Variants in NCAPD3 observed in about 807,000 individuals in gnomAD.
NCAPD3 encodes non-SMC condensin II complex subunit D3.
Under a neutral mutation model 182.9 loss-of-function variants are expected in NCAPD3, and 105 were observed. The ratio of observed to expected loss-of-function variants is 0.57; its 90% CI spans 0.49 to 0.68. The LOEUF (loss-of-function observed/expected upper bound fraction) is 0.68, where lower values mean the gene tolerates loss of function less well. NCAPD3 is among the 30% of genes least tolerant of loss of function. The pLI is 0.00. For missense variants in NCAPD3, 1,944 were observed against 1,837.0 expected (o/e 1.06, Z -1.07); for synonymous variants, 815 against 679.9 (o/e 1.20, Z -3.09).
intron 8 of NCAPD3, among the ~76,000 whole-genome samples, chr11:134,205,866 A>G (rs1458683492): frequency 2.6e-5 from 4 of 152,232 alleles, no homozygotes; most frequent in Non-Finnish European, 4.4e-5. Context: ...ACATTTGCTC[A>G]GTCACAAGAT....
intron 4 of NCAPD3, 59 bp from the exon 5 acceptor site, chr11:134,209,536 G>GT: frequency 6.6e-7 from 1 of 1,512,352 alleles, no homozygotes. Context: ...TTGTCCCATG[G>GT]TTTTCAATTT....
chr11:134,218,364 T>C (rs147161318), intron 2 of NCAPD3, among the ~76,000 whole-genome samples: 1 of 152,294 alleles, frequency 6.6e-6, no homozygotes, highest in Non-Finnish European at 1.5e-5. Context: ...TCCATTTCTG[T>C]CCTGGCTGCT....
rs547494433 is a variant in NCAPD3, at chr11:134,157,227, G to A, written c.4175-132C>T. ...AGTGTTTACAATTTTCTTATAAAGA[G>A]GCAATTCAGGAAGAAATACAAATAA... On this transcript the variant is annotated intron_variant, in intron 31 of 34. Transcript: ENST00000534548. 4.6e-4 allele frequency: 270 copies of A among 591,928 alleles called. 2 individuals are homozygous for A. The highest frequency in any genetic ancestry group is 4.5e-3 in the African/African-American group (238 of 53,068). 36.7% of individuals were successfully genotyped at this position (591,928 alleles called of 1,614,324 possible).
At chr11:134,205,145 A>C (rs920485625) in intron 8 of NCAPD3, among the ~76,000 whole-genome samples, 174 bp from the exon 9 acceptor site, 2 of 152,250 alleles carry the variant, frequency 1.3e-5, no homozygotes, top group African/African-American at 4.8e-5. Context: ...GAAAACTGTG[A>C]AGTAGTTCCC....
In NCAPD3 at chr11:134,151,691, TACTA is replaced by T. The variant is rs1186138079; in HGVS notation, c.*1249_*1252del. Reference sequence around the variant, plus strand: ...GCTGTACACAGATGCTACAGACTTGTACTAACACACCGTAATTTGGCATTTGTTT... The same window carrying T: ...GCTGTACACAGATGCTACAGACTTGTACACACCGTAATTTGGCATTTGTTT... On this transcript the variant is annotated 3_prime_UTR_variant, in exon 35 of 35. Transcript: ENST00000534548. 1.3e-5 allele frequency: 2 copies of T among 152,252 alleles called. No individual in the cohort carries two copies. The highest frequency in any genetic ancestry group is 4.8e-5 in the African/African-American group (2 of 41,466). 9.4% of individuals were successfully genotyped at this position (152,252 alleles called of 1,614,324 possible).
In NCAPD3 at chr11:134,152,128, A is replaced by G. The variant is rs1943257682; in HGVS notation, c.*816T>C. ...GCATTCAGTTTACCCACTAGTGCTA[A>G]CAGAAGAGACTCAAGCTGTTCCCCC... On this transcript the variant is annotated 3_prime_UTR_variant, in exon 35 of 35. Transcript: ENST00000534548. 1 of 152,274 alleles carries G rather than the reference A, an allele frequency of 6.6e-6. No individual in the cohort carries two copies. The highest frequency in any genetic ancestry group is 2.4e-5 in the African/African-American group (1 of 41,476). 9.4% of individuals were successfully genotyped at this position (152,274 alleles called of 1,614,324 possible).
At chr11:134,169,436 G>A (rs964511166) in intron 24 of NCAPD3, among the ~76,000 whole-genome samples, 1 of 152,208 alleles carries the variant, frequency 6.6e-6, no homozygotes, top group Non-Finnish European at 1.5e-5. Flanking sequence ...ACCAGAAAAG[G>A]GATATCTGGC....
At chr11:134,214,543 G>C (rs1937949560) in intron 3 of NCAPD3, among the ~76,000 whole-genome samples, 3 of 152,060 alleles carry the variant, frequency 2.0e-5, no homozygotes, top group Admixed American at 2.0e-4. Context: ...AAGAAGAAAG[G>C]AAATCGTAGA....
At chr11:134,168,412 C>G in intron 26 of NCAPD3, 57 bp downstream of exon 26, 4 of 1,605,888 alleles carry the variant, frequency 2.5e-6, no homozygotes, top group Non-Finnish European at 3.4e-6. Flanking sequence ...GGGCCATTAT[C>G]AACACAGCAT....
intron 27 of NCAPD3, among the ~76,000 whole-genome samples, chr11:134,165,073 GCA>G (rs1257303152): frequency 1.4e-5 from 2 of 147,662 alleles, no homozygotes; most frequent in Non-Finnish European, 3.0e-5. Context: ...AGGGGGAGCG[GCA>G]CACTCACTTG....
At chr11:134,218,441 C>G (rs1938110424) in intron 2 of NCAPD3, among the ~76,000 whole-genome samples, 1 of 152,192 alleles carries the variant, frequency 6.6e-6, no homozygotes, top group South Asian at 2.1e-4. Context: ...GAACTCTCTT[C>G]TCTCTCCTGG....
At chr11:134,196,463 G>A (rs1944629634) in intron 13 of NCAPD3, among the ~76,000 whole-genome samples, 1 of 151,968 alleles carries the variant, frequency 6.6e-6, no homozygotes, top group Non-Finnish European at 1.5e-5. Flanking sequence ...GACCAACATG[G>A]TGAAACCCTA....
At chr11:134,167,254 T>C (rs1211571717) in intron 27 of NCAPD3, among the ~76,000 whole-genome samples, 1 of 95,546 alleles carries the variant, frequency 1.0e-5, no homozygotes, top group Non-Finnish European at 2.1e-5. Flanking sequence ...ACTCGTGAGA[T>C]GAGCTTAGGG....
rs771650613 is a variant in NCAPD3, at chr11:134,203,888, T to A, written c.1234A>T (p.Thr412Ser). Residue 412 changes from threonine to serine, a missense_variant, in exon 11 of 35, where the codon ACT (threonine) becomes TCT (serine). Coordinates refer to ENST00000534548, the MANE Select transcript of NCAPD3 (RefSeq NM_015261.3). ...RSSKIPHRVF[T>S]LDVVLALLEL... The stretch of plus-strand genomic sequence containing the variant: ...AACAGAGCTAAGACAACATCAAGAG[T>A]AAAAACCCGGTGTGGGATCTGGTAA... 6.2e-7 allele frequency: 1 copy of A among 1,613,508 alleles called. No homozygotes were observed. The highest frequency in any genetic ancestry group is 8.5e-7 in the Non-Finnish European group (1 of 1,179,682).
At chr11:134,172,741 G>T (rs372028717) in intron 24 of NCAPD3, among the ~76,000 whole-genome samples, 1 of 152,088 alleles carries the variant, frequency 6.6e-6, no homozygotes, top group Non-Finnish European at 1.5e-5. Context: ...TTATACCAGC[G>T]ATTAAAAATG....
intron 27 of NCAPD3, among the ~76,000 whole-genome samples, chr11:134,165,073 G>T (rs976122255): frequency 6.8e-6 from 1 of 147,662 alleles, no homozygotes; most frequent in Non-Finnish European, 1.5e-5. Flanking sequence ...AGGGGGAGCG[G>T]CACACTCACT....
At chr11:134,166,253 C>G (rs1943791851) in intron 27 of NCAPD3, among the ~76,000 whole-genome samples, 1 of 4,396 alleles carries the variant, frequency 2.3e-4, no homozygotes, top group Non-Finnish European at 5.7e-4. Flanking sequence ...GTGAGATGAG[C>G]TTGGGGGAGG....
At position 134,157,021 on chromosome 11, in the gene NCAPD3, CG is replaced by C; in HGVS notation, c.4248del (p.Glu1417ArgfsTer78). On this transcript the variant is annotated frameshift_variant, in exon 32 of 35. Transcript: ENST00000534548. LOFTEE classifies it high-confidence loss of function. ...CGTGTTCCGATCAGTTACTCACTCTCGGGGGTGCTGATGGCCCGCTTGGTCA... is the reference window on the plus strand; with the variant it reads ...CGTGTTCCGATCAGTTACTCACTCTCGGGGTGCTGATGGCCCGCTTGGTCA... ...EHVTKRAIST[P>X]EKSISDVTFG... 6.2e-7 allele frequency: 1 copy of C among 1,611,906 alleles called. No homozygotes were observed. The highest frequency in any genetic ancestry group is 8.5e-7 in the Non-Finnish European group (1 of 1,178,308).
chr11:134,200,004 C>T (rs979507450), intron 13 of NCAPD3, among the ~76,000 whole-genome samples: 21 of 152,258 alleles, frequency 1.4e-4, no homozygotes, highest in Non-Finnish European at 2.9e-5. Flanking sequence ...GGTGAAGGAA[C>T]AGGCTGAAAG....
Sources: gnomAD v4.1 joint callset for allele counts (sites outside exome capture counted in the v4.1 genomes callset) on GRCh38, gnomAD v4.1.1 for gene constraint, MANE v1.5 for transcripts, NCBI Gene and HGNC (gene_info 2026-07-23, HGNC 2026-07-21) for gene names.